Variants in ANK2 observed in about 807,000 individuals in gnomAD.
ANK2 encodes the protein ankyrin 2.
A neutral mutation model predicts 360.5 loss-of-function variants in ANK2; 83 were observed. That is an observed-to-expected ratio of 0.23 (90% CI 0.19 to 0.28). The LOEUF is 0.28. ANK2 is among the 10% of genes least tolerant of loss of function. ANK2 has a pLI of 1.00. For synonymous variants in ANK2, 1,740 were observed against 1,759.5 expected, an observed-to-expected ratio of 0.99 and a Z score of 0.28; for missense variants, 4,201 against 4,795.7, an observed-to-expected ratio of 0.88 and a Z score of 3.66.
At chr4:113,073,413 A>G (rs943100336) in intron 1 of ANK2, among the ~76,000 whole-genome samples, 1 of 152,180 alleles carries the variant, frequency 6.6e-6, no homozygotes, top group Non-Finnish European at 1.5e-5. Flanking sequence ...GAACACTAGA[A>G]TAGAGAATAG....
intron 45 of ANK2, chr4:113,374,955 GCAT>G: frequency 9.0e-7 from 1 of 1,115,158 alleles, no homozygotes; most frequent in Non-Finnish European, 1.1e-6. Flanking sequence ...AGGTATAGAA[GCAT>G]CATCATTTGT....
chr4:113,226,986 A>G (rs1000358155), intron 4 of ANK2, among the ~76,000 whole-genome samples: 1 of 152,220 alleles, frequency 6.6e-6, no homozygotes, highest in African/African-American at 2.4e-5. Context: ...ACACAGAGAC[A>G]TAAGGTGTTG....
the ANK2 span, among the ~76,000 whole-genome samples, chr4:112,746,224 A>G: frequency 2.0e-5 from 3 of 152,322 alleles, no homozygotes; most frequent in Middle Eastern, 3.4e-3. Flanking sequence ...GAAAAATTAT[A>G]TTAATCTTGA....
intron 2 of ANK2, among the ~76,000 whole-genome samples, chr4:112,957,411 C>A (rs1196949480): frequency 6.6e-6 from 1 of 152,222 alleles, no homozygotes; most frequent in Non-Finnish European, 1.5e-5. Flanking sequence ...CCCATGTCTA[C>A]TTCTTTCTAC....
chr4:113,047,823 G>A (rs2065048583), upstream of ANK2, among the ~76,000 whole-genome samples: 1 of 152,082 alleles, frequency 6.6e-6, no homozygotes, highest in South Asian at 2.1e-4. Flanking sequence ...GCAAAACAGA[G>A]TTGACTCCAG....
chr4:112,921,354 T>A (rs999712756), intron 2 of ANK2, among the ~76,000 whole-genome samples: 3 of 151,184 alleles, frequency 2.0e-5, no homozygotes, highest in Non-Finnish European at 4.4e-5. Flanking sequence ...TTATGAGAAA[T>A]ATTTTCTGCA....
chr4:112,737,796 G>A, the ANK2 span, among the ~76,000 whole-genome samples: 5 of 152,250 alleles, frequency 3.3e-5, no homozygotes, highest in South Asian at 1.0e-3. Context: ...TGTATGTTAG[G>A]ATTTTCTTCC....
At chr4:113,063,564 A>G (rs1344897646) in intron 1 of ANK2, among the ~76,000 whole-genome samples, 1 of 152,186 alleles carries the variant, frequency 6.6e-6, no homozygotes, top group Non-Finnish European at 1.5e-5. Flanking sequence ...GCTTATAAAT[A>G]GTAATACACA....
Position 113,318,507 on chromosome 4 carries a change from T to C in ANK2, c.2797-10T>C. 6.2e-7 allele frequency: 1 copy of C among 1,607,390 alleles called. No homozygotes were observed. The highest frequency in any genetic ancestry group is 8.5e-7 in the Non-Finnish European group (1 of 1,174,452). On this transcript the variant is annotated splice_polypyrimidine_tract_variant and intron_variant, in intron 25 of 45. Coordinates refer to ENST00000357077, the MANE Select transcript of ANK2 (RefSeq NM_001148.6). Reference sequence around the variant, plus strand: ...GTGTGTTTATTCAATCCAGTGTTCTTTGTGTTTAGGTGTCAACTCTAGCCA... The same window carrying C: ...GTGTGTTTATTCAATCCAGTGTTCTCTGTGTTTAGGTGTCAACTCTAGCCA...
At chr4:112,754,945 C>T in the ANK2 span, among the ~76,000 whole-genome samples, 1 of 152,082 alleles carries the variant, frequency 6.6e-6, no homozygotes, top group African/African-American at 2.4e-5. Context: ...CTTTTTTTAC[C>T]TCAAACTCTT....
chr4:113,063,546 C>T (rs2074403182), intron 1 of ANK2, among the ~76,000 whole-genome samples: 2 of 151,950 alleles, frequency 1.3e-5, no homozygotes, highest in Non-Finnish European at 2.9e-5. Context: ...AGACGGAAGA[C>T]CAAATAAGCT....
intron 2 of ANK2, among the ~76,000 whole-genome samples, chr4:112,930,408 C>T (rs2093068080): frequency 6.6e-6 from 1 of 150,486 alleles, no homozygotes; most frequent in Non-Finnish European, 1.5e-5. Context: ...GAGATCACGC[C>T]ACTGCACTCC....
At chr4:113,233,162 T>G (rs540104768) in intron 5 of ANK2, among the ~76,000 whole-genome samples, 20 of 115,670 alleles carry the variant, frequency 1.7e-4, no homozygotes, top group Non-Finnish European at 3.2e-4. Flanking sequence ...TGAGACGGAG[T>G]CTCGCTCTGT....
intron 2 of ANK2, among the ~76,000 whole-genome samples, chr4:113,027,548 C>T (rs1413819188): frequency 2.6e-5 from 4 of 152,098 alleles, no homozygotes; most frequent in African/African-American, 9.7e-5. Flanking sequence ...GGAGCGGAAC[C>T]ATATGCTTCT....
At chr4:113,377,329 G>A (rs2096983242) in intron 45 of ANK2, among the ~76,000 whole-genome samples, 1 of 152,130 alleles carries the variant, frequency 6.6e-6, no homozygotes, top group African/African-American at 2.4e-5. Context: ...AACAGCTATA[G>A]CATCACTAGG....
chr4:113,160,267 G>A, intron 1 of ANK2: 1 of 359,776 alleles, frequency 2.8e-6, no homozygotes, highest in Non-Finnish European at 5.4e-6. Context: ...GTCTCACTAT[G>A]TTGTCAAGGC....
At chr4:113,156,389 A>ATTTTTTTTTTTTTTTC (rs1562481290) in intron 1 of ANK2, among the ~76,000 whole-genome samples, 6 of 137,986 alleles carry the variant, frequency 4.3e-5, no homozygotes, top group African/African-American at 1.6e-4. Flanking sequence ...TTTGTTTTTG[A>ATTTTTTTTTTTTTTTC]GACAGAGTTT....
At chr4:112,872,122 G>C (rs1323748383) in intron 1 of ANK2, among the ~76,000 whole-genome samples, 1 of 151,702 alleles carries the variant, frequency 6.6e-6, no homozygotes, top group African/African-American at 2.4e-5. Flanking sequence ...GACCTCCCGG[G>C]CTCAAGGGAT....
chr4:112,879,052 AG>A (rs2076002209), intron 1 of ANK2, among the ~76,000 whole-genome samples: 1 of 152,242 alleles, frequency 6.6e-6, no homozygotes, highest in Non-Finnish European at 1.5e-5. Flanking sequence ...TGAACTTCAA[AG>A]TTGAATAAAC....
Sources: allele counts gnomAD v4.1 joint callset (sites outside exome capture counted in the v4.1 genomes callset), GRCh38; gene constraint gnomAD v4.1.1; transcripts MANE v1.5; gene names NCBI Gene and HGNC (gene_info 2026-07-23, HGNC 2026-07-21).